KANK1: variants seen among roughly 807,000 people sequenced by gnomAD.
KANK1 encodes the protein KN motif and ankyrin repeat domain-containing protein 1.
Under a neutral mutation model 106.2 loss-of-function variants are expected in KANK1, and 109 were observed. That is an observed-to-expected ratio of 1.03 (90% CI 0.88 to 1.20). KANK1 has a LOEUF of 1.20. KANK1 is among the 50% of genes most tolerant of loss of function. KANK1 has a pLI of 0.00. For missense variants in KANK1, 2,399 were observed against 1,710.7 expected, an observed-to-expected ratio of 1.40 and a Z score of -7.10; for synonymous variants, 873 against 652.2, an observed-to-expected ratio of 1.34 and a Z score of -5.16.
At chr9:551,358 G>T (rs1019548273) in intron 1 of KANK1, among the ~76,000 whole-genome samples, 6 of 151,942 alleles carry the variant, frequency 3.9e-5, no homozygotes, top group African/African-American at 1.2e-4. Flanking sequence ...GGTTTTATAG[G>T]CGTGATTCCC....
At chr9:646,266 GC>G (rs1418413712) in intron 1 of KANK1, among the ~76,000 whole-genome samples, 1 of 150,882 alleles carries the variant, frequency 6.6e-6, no homozygotes, top group Non-Finnish European at 1.5e-5. Flanking sequence ...GGAGGCCAAG[GC>G]TAGAGGATCA....
intron 1 of KANK1, among the ~76,000 whole-genome samples, chr9:546,655 C>A (rs970491281): frequency 7.9e-5 from 12 of 151,610 alleles, no homozygotes; most frequent in African/African-American, 2.9e-4. Flanking sequence ...TTCACTATTC[C>A]CTCTCCCACC....
intron 2 of KANK1, among the ~76,000 whole-genome samples, chr9:695,630 A>G (rs1821071251): frequency 6.6e-6 from 1 of 151,120 alleles, no homozygotes; most frequent in Admixed American, 6.6e-5. Context: ...CAAGGTATAG[A>G]GGAGGAAGGG....
intron 1 of KANK1, among the ~76,000 whole-genome samples, chr9:617,496 C>T (rs1004991661): frequency 2.0e-5 from 3 of 152,150 alleles, no homozygotes; most frequent in Non-Finnish European, 4.4e-5. Context: ...CAAAGAGGTT[C>T]AGGACCCTGG....
chr9:546,527 C>G (rs926294902), intron 1 of KANK1, among the ~76,000 whole-genome samples: 7 of 152,074 alleles, frequency 4.6e-5, no homozygotes, highest in African/African-American at 1.7e-4. Context: ...TCCTTACATA[C>G]TTTGCTGCAG....
chr9:506,846 G>A (rs757162651), intron 1 of KANK1, among the ~76,000 whole-genome samples: 18 of 152,210 alleles, frequency 1.2e-4, no homozygotes, highest in Non-Finnish European at 2.4e-4. Context: ...ATGGCCGAAA[G>A]GGGCAGTGCT....
intron 3 of KANK1, among the ~76,000 whole-genome samples, chr9:487,476 T>C (rs2058312279): frequency 6.6e-6 from 1 of 152,214 alleles, no homozygotes; most frequent in African/African-American, 2.4e-5. Flanking sequence ...CACAATGTTT[T>C]CCATTTACAG....
intron 1 of KANK1, among the ~76,000 whole-genome samples, chr9:515,214 G>A (rs529849497): frequency 8.6e-5 from 13 of 151,424 alleles, no homozygotes; most frequent in African/African-American, 2.7e-4. Flanking sequence ...GCGTGGTGGC[G>A]GGAGCCTGTA....
intron 1 of KANK1, among the ~76,000 whole-genome samples, chr9:531,837 G>T (rs1441012552): frequency 6.6e-6 from 1 of 152,146 alleles, no homozygotes; most frequent in South Asian, 2.1e-4. Context: ...AAAAAATGTG[G>T]CTGCTTCTGT....
chr9:578,367 C>A (rs1453942692), intron 1 of KANK1, among the ~76,000 whole-genome samples: 1 of 151,280 alleles, frequency 6.6e-6, no homozygotes, highest in African/African-American at 2.4e-5. Flanking sequence ...CTTTGCTAAG[C>A]CATGGAGGGT....
chr9:725,576 G>A (rs1351578054), intron 3 of KANK1, among the ~76,000 whole-genome samples: 5 of 151,562 alleles, frequency 3.3e-5, no homozygotes, highest in African/African-American at 9.7e-5. Context: ...TTTTACTATA[G>A]CGTCATTGTT....
chr9:566,668 G>C (rs1187023182), intron 1 of KANK1, among the ~76,000 whole-genome samples: 1 of 152,122 alleles, frequency 6.6e-6, no homozygotes. Context: ...CTTTTGAAAG[G>C]TGTCTGTTCA....
At chr9:687,297 G>C (rs981406999) in intron 2 of KANK1, among the ~76,000 whole-genome samples, 15 of 152,064 alleles carry the variant, frequency 9.9e-5, no homozygotes, top group African/African-American at 3.6e-4. Context: ...ATGTAAGGAT[G>C]GCTGGCAAGA....
intron 1 of KANK1, among the ~76,000 whole-genome samples, chr9:618,803 G>A (rs1832474609): frequency 6.6e-6 from 1 of 152,086 alleles, no homozygotes; most frequent in Non-Finnish European, 1.5e-5. Flanking sequence ...GGGTGAACAG[G>A]CGGTGTTTTC....
At chr9:496,014 T>G (rs937456854) in intron 3 of KANK1, among the ~76,000 whole-genome samples, 6 of 152,138 alleles carry the variant, frequency 3.9e-5, no homozygotes, top group Non-Finnish European at 8.8e-5. Context: ...CTGTCCCAGC[T>G]GGAAGGGGTC....
upstream of KANK1, among the ~76,000 whole-genome samples, chr9:504,051 C>A (rs1295673411): frequency 6.6e-6 from 1 of 152,146 alleles, no homozygotes; most frequent in East Asian, 1.9e-4. Flanking sequence ...CCGGGGCGAC[C>A]GTGCTGACGA....
At chr9:624,077 A>C (rs1833807911) in intron 1 of KANK1, among the ~76,000 whole-genome samples, 1 of 152,228 alleles carries the variant, frequency 6.6e-6, no homozygotes, top group African/African-American at 2.4e-5. Flanking sequence ...TGCCATTTGC[A>C]ACAACATGGA....
intron 1 of KANK1, among the ~76,000 whole-genome samples, chr9:508,217 C>G (rs1000097008): frequency 7.2e-6 from 1 of 138,846 alleles, no homozygotes; most frequent in Non-Finnish European, 1.5e-5. Flanking sequence ...CAGCTCACTG[C>G]AACCTCTGCC....
At chr9:729,525 A>G (rs774316621) in intron 3 of KANK1, among the ~76,000 whole-genome samples, 30 of 152,232 alleles carry the variant, frequency 2.0e-4, no homozygotes, top group Non-Finnish European at 4.0e-4. Flanking sequence ...CTGGCACTTA[A>G]TGGGATGCAG....
Sources: gnomAD v4.1 joint callset for allele counts (sites outside exome capture counted in the v4.1 genomes callset) on GRCh38, gnomAD v4.1.1 for gene constraint, MANE v1.5 for transcripts, NCBI Gene and HGNC (gene_info 2026-07-23, HGNC 2026-07-21) for gene names.